The following SCAF8 variants were observed in gnomAD, a reference collection of about 807,000 sequenced individuals.
The protein encoded by SCAF8 is SR-related and CTD-associated factor 8.
In SCAF8, 23 loss-of-function variants were observed where a neutral mutation model predicts 140.5. That is an observed-to-expected ratio of 0.16 (90% CI 0.12 to 0.23). The LOEUF (loss-of-function observed/expected upper bound fraction) is 0.23. Among genes scored for constraint, SCAF8 ranks in the 10% least tolerant of loss-of-function variants. The pLI, the probability that SCAF8 is intolerant of heterozygous loss-of-function variation, is 1.00. For synonymous variants in SCAF8, 575 were observed against 528.9 expected (o/e 1.09, Z -1.20); for missense variants, 1,397 against 1,555.7 (o/e 0.90, Z 1.72).
At chr6:154,820,450 A>G in intron 15 of SCAF8, 117 bp downstream of exon 15, 1 of 789,078 alleles carries the variant, frequency 1.3e-6, no homozygotes, top group Non-Finnish European at 2.0e-6. Flanking sequence ...CCCAAAAAAG[A>G]GAAAAGATAC....
At chr6:154,765,914 G>A (rs1262532065) in intron 1 of SCAF8, among the ~76,000 whole-genome samples, 4 of 152,110 alleles carry the variant, frequency 2.6e-5, no homozygotes, top group Non-Finnish European at 5.9e-5. Context: ...AGGTTTAGGG[G>A]CGCCAACCCC....
intron 1 of SCAF8, among the ~76,000 whole-genome samples, chr6:154,766,653 A>C (rs1776574051): frequency 1.1e-4 from 14 of 132,414 alleles, no homozygotes; most frequent in East Asian, 5.0e-4. Context: ...ACCTCCCTCC[A>C]GCAGCACCCC....
chr6:154,736,254 G>A (rs1435942189), intron 1 of SCAF8, among the ~76,000 whole-genome samples: 1 of 142,870 alleles, frequency 7.0e-6, no homozygotes, highest in African/African-American at 2.7e-5. Context: ...CCCTCAAAGG[G>A]CCATCCAAGA....
chr6:154,795,889 G>GT (rs1252377019), intron 6 of SCAF8, among the ~76,000 whole-genome samples: 1 of 151,992 alleles, frequency 6.6e-6, no homozygotes, highest in Non-Finnish European at 1.5e-5. Flanking sequence ...ATTAAGCTTT[G>GT]TAGCTCTTTA....
intron 15 of SCAF8, 172 bp from the exon 16 acceptor site, chr6:154,822,104 T>C (rs558812155): frequency 1.8e-6 from 1 of 558,706 alleles, no homozygotes; most frequent in Admixed American, 3.2e-5. Flanking sequence ...CTCCATAGTA[T>C]CCTAATCAGA....
intron 1 of SCAF8, among the ~76,000 whole-genome samples, chr6:154,742,704 A>G (rs1778601376): frequency 6.6e-6 from 1 of 150,738 alleles, no homozygotes; most frequent in Non-Finnish European, 1.5e-5. Context: ...TAAAATACCT[A>G]TTATAGGTCA....
rs71021079 is a variant in SCAF8 at position 154,778,769 on chromosome 6, ATGTGTGTGTG to A, written c.159+756_159+765del. On this transcript the variant is annotated intron_variant, in intron 3 of 19. Transcript: ENST00000367178. ...ACAGAGTGAGACCCTGTCTCAAAAA[ATGTGTGTGTG>A]TGTGTGTGTGTGTGTGTGTGTGTGT... is the stretch of plus-strand genomic sequence containing the variant. Among the ~76,000 whole-genome samples the A allele has an allele frequency of 2.4e-3, 338 of 142,160 alleles. 3 individuals carry two copies. The highest frequency in any genetic ancestry group is 7.5e-3 in the African/African-American group (292 of 38,910). 93.3% of individuals were successfully genotyped at this position (142,160 alleles called of 152,430 possible). A position where few individuals can be genotyped will look rare whatever the true frequency, so the allele number is the denominator to read the frequency against.
chr6:154,807,625 C>T (rs185804118), intron 9 of SCAF8, among the ~76,000 whole-genome samples: 3 of 152,284 alleles, frequency 2.0e-5, no homozygotes, highest in East Asian at 3.9e-4. Flanking sequence ...GTGATCCACC[C>T]GCCTCAGCCT....
chr6:154,825,803 C>T (rs969277938), intron 17 of SCAF8, among the ~76,000 whole-genome samples: 2 of 151,874 alleles, frequency 1.3e-5, no homozygotes, highest in African/African-American at 2.4e-5. Flanking sequence ...TATGAGCCAC[C>T]GCGCACAGCC....
chr6:154,766,032 A>G (rs956303429), intron 1 of SCAF8, among the ~76,000 whole-genome samples: 3 of 151,620 alleles, frequency 2.0e-5, no homozygotes, highest in African/African-American at 7.3e-5. Flanking sequence ...AACATATTTT[A>G]TATGTTATAT....
At chr6:154,808,512 G>T (rs183946571) in intron 10 of SCAF8, among the ~76,000 whole-genome samples, 174 bp from the exon 11 acceptor site, 3 of 150,676 alleles carry the variant, frequency 2.0e-5, no homozygotes, top group Non-Finnish European at 2.9e-5. Context: ...TATATTTTAC[G>T]TGTGGCCAAA....
Position 154,818,487 on chromosome 6 carries a change from TC to T in SCAF8, c.1534del (p.Arg512GlyfsTer39). On this transcript the variant is annotated frameshift_variant, in exon 14 of 20. Coordinates refer to ENST00000367178, the MANE Select transcript of SCAF8 (RefSeq NM_014892.5). LOFTEE classifies it high-confidence loss of function. ...ACAATTTTTTTTATTAGATGATTCC[TC>T]CCCGGGGCTGTGCTTATGTCTGCAT... Reference protein sequence around the residue: ...GQIESINMIPPRGCAYVCMVH... With the variant: ...GQIESINMIPXRGCAYVCMVH... 2 of 1,567,098 alleles carry T rather than the reference TC, an allele frequency of 1.3e-6. No individual in the cohort carries two copies. The highest frequency in any genetic ancestry group is 2.3e-5 in the East Asian group (1 of 42,922).
chr6:154,787,466 T>C (rs761592312), intron 3 of SCAF8, among the ~76,000 whole-genome samples: 8 of 152,236 alleles, frequency 5.3e-5, no homozygotes, highest in Non-Finnish European at 1.5e-5. Context: ...AGGAACCCTT[T>C]TGTTGTGTGT....
chr6:154,811,551 A>G (rs1380644067), intron 12 of SCAF8, among the ~76,000 whole-genome samples: 1 of 151,876 alleles, frequency 6.6e-6, no homozygotes, highest in East Asian at 1.9e-4. Context: ...TTTTTTTTAA[A>G]TTATACTTTA....
rs1255041226 is a variant in SCAF8, at chr6:154,790,942, G to A, written c.322-1881G>A. Among the ~76,000 whole-genome samples, 3 of 152,266 alleles carry A rather than the reference G, an allele frequency of 2.0e-5. No homozygotes were observed. The South Asian group carries it at 6.2e-4, about 32-fold the overall frequency. ...GTGTTAAACAGTTGTGAATCAGATT[G>A]TTTGGTGATAGTACCAAGAAAATAG... On this transcript the variant is annotated intron_variant, in intron 4 of 19. Transcript: ENST00000367178.
At chr6:154,815,199 A>G (rs1282382979) in intron 12 of SCAF8, among the ~76,000 whole-genome samples, 1 of 152,186 alleles carries the variant, frequency 6.6e-6, no homozygotes, top group African/African-American at 2.4e-5. Context: ...CGGGAGACTG[A>G]GGCAGGAGAA....
chr6:154,735,122 TA>T (rs1230913644), intron 1 of SCAF8, among the ~76,000 whole-genome samples: 6 of 131,568 alleles, frequency 4.6e-5, no homozygotes, highest in Non-Finnish European at 6.3e-5. Context: ...AGACTCTGTC[TA>T]CAAAAAAAAA....
chr6:154,764,829 A>AT (rs1389696952), intron 1 of SCAF8, among the ~76,000 whole-genome samples: 3 of 152,140 alleles, frequency 2.0e-5, no homozygotes, highest in African/African-American at 4.8e-5. Context: ...TAAAACCATG[A>AT]TTTTTTATCC....
At chr6:154,742,416 A>G (rs1032713462) in intron 1 of SCAF8, among the ~76,000 whole-genome samples, 30 of 152,182 alleles carry the variant, frequency 2.0e-4, no homozygotes, top group Admixed American at 1.8e-3. Context: ...CATATATGCT[A>G]TAGGAATAAA....
Sources: gnomAD v4.1 joint callset for allele counts (sites outside exome capture counted in the v4.1 genomes callset) on GRCh38, gnomAD v4.1.1 for gene constraint, MANE v1.5 for transcripts, NCBI Gene and HGNC (gene_info 2026-07-23, HGNC 2026-07-21) for gene names.